Variants in WWOX observed in about 807,000 individuals in gnomAD.
WWOX encodes the protein WW domain-containing oxidoreductase.
In WWOX, 69 loss-of-function variants were observed where a neutral mutation model predicts 46.2. That is an observed-to-expected ratio of 1.49 (90% confidence interval 1.23 to 1.82). The LOEUF (loss-of-function observed/expected upper bound fraction) is 1.82, where lower values mean the gene tolerates loss of function less well. Among genes scored for constraint, WWOX ranks in the 40% most tolerant of loss-of-function variants. The pLI, the probability that WWOX is intolerant of heterozygous loss-of-function variation, is 0.00. For missense variants in WWOX, 919 were observed against 542.6 expected (o/e 1.69, Z -6.89); for synonymous variants, 359 against 202.6 (o/e 1.77, Z -6.56).
At chr16:79,068,021 C>G (rs1052844334) in intron 8 of WWOX, among the ~76,000 whole-genome samples, 6 of 152,150 alleles carry the variant, frequency 3.9e-5, no homozygotes, top group African/African-American at 1.4e-4. Context: ...ATTGATCTTC[C>G]TGCCTTTGCC....
chr16:78,468,008 T>C (rs1188356612), intron 8 of WWOX, among the ~76,000 whole-genome samples: 1 of 152,174 alleles, frequency 6.6e-6, no homozygotes. Context: ...TCCACTGGTA[T>C]ATTTTCTTTA....
intron 5 of WWOX, among the ~76,000 whole-genome samples, chr16:78,165,449 C>G (rs1294964600): frequency 6.6e-6 from 1 of 151,978 alleles, no homozygotes; most frequent in Non-Finnish European, 1.5e-5. Flanking sequence ...AGTAATGATG[C>G]CAGGGAGTTG....
chr16:78,974,724 C>T (rs2046537775), intron 8 of WWOX, among the ~76,000 whole-genome samples: 3 of 152,184 alleles, frequency 2.0e-5, no homozygotes, highest in African/African-American at 7.2e-5. Context: ...CTTTGCCAAA[C>T]CCCAAGACCC....
intron 8 of WWOX, chr16:78,892,297 A>G (rs1439637658): frequency 6.6e-6 from 1 of 152,216 alleles, no homozygotes; most frequent in Non-Finnish European, 1.5e-5. Context: ...CTAAAATAAA[A>G]AAAAATGAAC....
chr16:79,054,810 A>G (rs1037187466), intron 8 of WWOX, among the ~76,000 whole-genome samples: 3 of 152,224 alleles, frequency 2.0e-5, no homozygotes, highest in African/African-American at 7.2e-5. Flanking sequence ...TGGATGAAAG[A>G]GTATGACCTT....
chr16:78,395,597 A>G (rs539666242), intron 6 of WWOX, among the ~76,000 whole-genome samples: 1 of 152,210 alleles, frequency 6.6e-6, no homozygotes, highest in Admixed American at 6.5e-5. Flanking sequence ...GATCTTTACA[A>G]TGCCTGACAA....
intron 5 of WWOX, among the ~76,000 whole-genome samples, chr16:78,269,990 T>G (rs1414239287): frequency 6.7e-6 from 1 of 148,900 alleles, no homozygotes; most frequent in Non-Finnish European, 1.5e-5. Context: ...ACAAATTGGT[T>G]TCTGTTTTTA....
chr16:79,162,857 T>C (rs2050514155), intron 8 of WWOX, among the ~76,000 whole-genome samples: 1 of 152,134 alleles, frequency 6.6e-6, no homozygotes, highest in Non-Finnish European at 1.5e-5. Context: ...CCCAGAGAGC[T>C]TCTAAGCCAA....
At chr16:78,506,961 A>G (rs2667602) in intron 8 of WWOX, among the ~76,000 whole-genome samples, 138,684 of 152,138 alleles carry the variant, frequency 0.91, 63,661 homozygotes, top group Non-Finnish European at 0.97. Context: ...TGATCCTCCC[A>G]CCTCAGCTGC....
chr16:79,199,891 A>C (rs1169384709), intron 8 of WWOX, among the ~76,000 whole-genome samples: 1 of 152,190 alleles, frequency 6.6e-6, no homozygotes, highest in Non-Finnish European at 1.5e-5. Flanking sequence ...TATGGCAGCC[A>C]GAGGGCAGGG....
At chr16:79,181,494 C>A (rs916156166) in intron 8 of WWOX, among the ~76,000 whole-genome samples, 1 of 151,804 alleles carries the variant, frequency 6.6e-6, no homozygotes, top group Non-Finnish European at 1.5e-5. Flanking sequence ...AATTTTGTAT[C>A]CTGTGGTTTT....
intron 8 of WWOX, among the ~76,000 whole-genome samples, chr16:78,758,192 A>C (rs2142478436): frequency 6.6e-6 from 1 of 152,358 alleles, no homozygotes; most frequent in African/African-American, 2.4e-5. Context: ...ATGATTTGCC[A>C]CATATAGATG....
In WWOX at chr16:78,815,523, C is replaced by G. The variant is rs553662902; in HGVS notation, c.1056+382771C>G. Reference sequence around the variant, plus strand: ...TGTACCATCTGCCTCTTGCCAGGACCCTGACCAAGAATTTGAAATCTCAGA... The same window carrying G: ...TGTACCATCTGCCTCTTGCCAGGACGCTGACCAAGAATTTGAAATCTCAGA... On this transcript the variant is annotated intron_variant, in intron 8 of 8. Coordinates refer to ENST00000566780, the MANE Select transcript of WWOX (RefSeq NM_016373.4). Among the ~76,000 whole-genome samples, 11 of 152,220 alleles carry G rather than the reference C, an allele frequency of 7.2e-5. No homozygotes were observed. The South Asian group carries it at 2.1e-3, about 29-fold the overall frequency.
chr16:78,397,439 C>G (rs570892520), intron 6 of WWOX, among the ~76,000 whole-genome samples: 4 of 152,104 alleles, frequency 2.6e-5, no homozygotes, highest in Admixed American at 6.5e-5. Flanking sequence ...CAGCCTGGTG[C>G]AATGATTAAC....
chr16:78,621,590 A>ATGT (rs1567442936), intron 8 of WWOX, among the ~76,000 whole-genome samples: 1 of 43,000 alleles, frequency 2.3e-5, no homozygotes, highest in African/African-American at 9.0e-5. Context: ...TGTTGTTCTA[A>ATGT]TCTTTTTTTT....
At chr16:78,751,232 T>C (rs1040851640) in intron 8 of WWOX, among the ~76,000 whole-genome samples, 2 of 151,994 alleles carry the variant, frequency 1.3e-5, no homozygotes, top group East Asian at 3.9e-4. Context: ...TATCAGAAAT[T>C]AGTTAGAAGA....
chr16:78,930,222 T>TCTTCCTTCCTTCCTCCCTTCCTTCCTTC (rs2045589899), intron 8 of WWOX, among the ~76,000 whole-genome samples: 1 of 104,956 alleles, frequency 9.5e-6, no homozygotes, highest in African/African-American at 4.0e-5. Context: ...TCAGGACCTT[T>TCTTCCTTCCTTCCTCCCTTCCTTCCTTC]CTTCCTTCCT....
chr16:78,554,124 T>A (rs74029552), intron 8 of WWOX, among the ~76,000 whole-genome samples: 3,358 of 152,246 alleles, frequency 0.022, 138 homozygotes, highest in African/African-American at 0.077. Context: ...TTCCCTCTTA[T>A]CAGCTTCTTG....
chr16:79,103,672 A>C (rs1013752195), intron 8 of WWOX, among the ~76,000 whole-genome samples: 1 of 152,238 alleles, frequency 6.6e-6, no homozygotes, highest in Non-Finnish European at 1.5e-5. Flanking sequence ...TATCCAGTCC[A>C]TGCATATTAG....
Sources: gnomAD v4.1 joint callset for allele counts (sites outside exome capture counted in the v4.1 genomes callset) on GRCh38, gnomAD v4.1.1 for gene constraint, MANE v1.5 for transcripts, NCBI Gene and HGNC (gene_info 2026-07-23, HGNC 2026-07-21) for gene names.